TNS1: variants seen among roughly 807,000 people sequenced by gnomAD.
TNS1 encodes the protein tensin 1, also known as tensin-1.
In TNS1, 62 loss-of-function variants were observed where a neutral mutation model predicts 168.6. The observed-to-expected ratio is 0.37, with a 90% confidence interval of 0.30 to 0.45. TNS1 has a LOEUF of 0.45. Ranked by LOEUF, TNS1 falls within the 20% of genes least tolerant of loss-of-function variation. The probability of loss-of-function intolerance (pLI) is 1.00; values close to 1 mark genes in which losing one functional copy is unlikely to be tolerated. For missense variants in TNS1, 2,240 were observed against 2,339.4 expected (o/e 0.96, Z 0.88); for synonymous variants, 934 against 933.2 (o/e 1.00, Z -0.02).
At position 218,002,868 on chromosome 2, in the gene TNS1, G is replaced by A. The variant is rs556762596; in HGVS notation, c.5C>T (p.Thr2Met). The A allele has an allele frequency of 1.5e-4, 70 of 456,868 alleles. No homozygotes were observed. The highest frequency in any genetic ancestry group is 5.1e-4 in the South Asian group (33 of 64,570). 28.3% of individuals were successfully genotyped at this position (456,868 alleles called of 1,614,324 possible). A position where few individuals can be genotyped will look rare whatever the true frequency, so the allele number is the denominator to read the frequency against. The stretch of plus-strand genomic sequence containing the variant: ...GAGCATGCAGGACAGACAGATCCAC[G>A]TCATCTTTGCTGGGTCCCGTCACTG... M[T>M]WICLSCMLWP... The change falls in exon 1 of 33, where the codon ACG becomes ATG. Residue 2 changes from threonine to methionine, a missense_variant. By Grantham distance (81) the Thr-to-Met change is moderately conservative (BLOSUM62 -1). Transcript: ENST00000682258.
chr2:217,847,972 C>G lies in TNS1; in HGVS notation c.2545G>C (p.Ala849Pro), dbSNP rs765735014. 2 of 1,508,802 alleles carry G rather than the reference C, an allele frequency of 1.3e-6. No individual in the cohort carries two copies. Among genetic ancestry groups the G allele is most frequent in the Non-Finnish European group, 1.8e-6 (2 of 1,126,024 alleles). The allele number at this position is 1,508,802 out of a possible 1,614,324, so 93.5% of individuals were successfully genotyped here. A position where few individuals can be genotyped will look rare whatever the true frequency, so the allele number is the denominator to read the frequency against. The stretch of plus-strand genomic sequence containing the variant: ...TGGGACTTGTGTAGTGGGGCAGCAG[C>G]GGAGGCTGGCTCCAGGTCCAGCATC... ...MLMLDLEPAS[A>P]AAPLHKSQSV... The change falls in exon 19 of 33, where the codon GCT (alanine) becomes CCT (proline). Residue 849 changes from alanine to proline, a missense_variant. Transcript: ENST00000682258.
intron 32 of TNS1, 85 bp downstream of exon 32, chr2:217,807,990 C>A (rs1163370638): frequency 1.7e-5 from 26 of 1,521,762 alleles, no homozygotes; most frequent in Non-Finnish European, 2.3e-5. Context: ...TACCCCCAGC[C>A]CTGGTTTCTA....
chr2:218,028,842 C>G (rs1468786629), intron 1 of TNS1, among the ~76,000 whole-genome samples: 1 of 152,182 alleles, frequency 6.6e-6, no homozygotes, highest in Non-Finnish European at 1.5e-5. Context: ...TAAGCATAGC[C>G]TGGGTCCCCT....
Position 217,965,774 on chromosome 2 carries a change from C to T in TNS1, c.186+12991G>A, listed in dbSNP as rs367856067. On this transcript the variant is annotated intron_variant, in intron 3 of 32. Coordinates refer to ENST00000682258, the MANE Select transcript of TNS1 (RefSeq NM_001387777.1). ...TAGCCAGCTCAACGGGCACCACAGACCCCCCGAGCTAGAAGCCAGAAGCAG... is the reference window on the plus strand; with the variant it reads ...TAGCCAGCTCAACGGGCACCACAGATCCCCCGAGCTAGAAGCCAGAAGCAG... Among the ~76,000 whole-genome samples the T allele has an allele frequency of 1.2e-4, 19 of 152,136 alleles. 1 individual carries two copies. Among genetic ancestry groups the T allele is most frequent in the Admixed American group, 1.0e-3 (16 of 15,280 alleles).
chr2:217,837,297 A>T (rs1215445262), intron 19 of TNS1, among the ~76,000 whole-genome samples: 1 of 152,148 alleles, frequency 6.6e-6, no homozygotes, highest in South Asian at 2.1e-4. Context: ...AGACAGAAAC[A>T]TCTTCTGCCA....
At chr2:217,998,895 C>T (rs1207733227) in intron 1 of TNS1, among the ~76,000 whole-genome samples, 1 of 152,192 alleles carries the variant, frequency 6.6e-6, no homozygotes, top group African/African-American at 2.4e-5. Flanking sequence ...TTACATCCCC[C>T]AGAGGTTCCC....
rs1465566240 is a variant in TNS1, at chr2:217,859,451, T to C, written c.1430-10364A>G. 9 of 579,468 alleles carry C rather than the reference T, an allele frequency of 1.6e-5. No individual in the cohort carries two copies. In the South Asian group the frequency reaches 1.6e-4, roughly 10 times the overall value. 35.9% of individuals were successfully genotyped at this position (579,468 alleles called of 1,614,324 possible). ...AAAAAGAAAAAACCCCACAGGGTCCTGCACTTCCCAGAGGTGAACACAGGA... is the reference window on the plus strand; with the variant it reads ...AAAAAGAAAAAACCCCACAGGGTCCCGCACTTCCCAGAGGTGAACACAGGA... On this transcript the variant is annotated intron_variant, in intron 18 of 32. Coordinates refer to ENST00000682258, the MANE Select transcript of TNS1 (RefSeq NM_001387777.1).
intron 19 of TNS1, among the ~76,000 whole-genome samples, chr2:217,845,485 T>A (rs1946518236): frequency 6.6e-6 from 1 of 152,214 alleles, no homozygotes; most frequent in African/African-American, 2.4e-5. Flanking sequence ...AATTCTGTCA[T>A]AATGACAGGG....
Position 217,895,001 on chromosome 2 carries a change from C to G in TNS1, c.594+5G>C. 6.2e-7 allele frequency: 1 copy of G among 1,612,870 alleles called. No homozygotes were observed. The highest frequency in any genetic ancestry group is 8.5e-7 in the Non-Finnish European group (1 of 1,179,620). On this transcript the variant is annotated splice_donor_5th_base_variant and intron_variant, in intron 9 of 32. Transcript: ENST00000682258. ...TCCCCTACCCCAAAACAGCCCCTGG[C>G]TCACCTTGGCATGGAGCTTCGTGAT... is the stretch of plus-strand genomic sequence containing the variant.
chr2:217,813,680 G>C lies in TNS1; in HGVS notation c.4861+5C>G. ...CCTGAGCCCCATTCTGGGAGATGAG[G>C]TTACCTTTTTTATTCTGCTGCATGA... On this transcript the variant is annotated splice_donor_5th_base_variant and intron_variant, in intron 26 of 32. Coordinates refer to ENST00000682258, the MANE Select transcript of TNS1 (RefSeq NM_001387777.1). This position sits in a 1 kb window ranked among gnomAD's most constrained non-coding sequence, Gnocchi z 4.0. 6.2e-7 allele frequency: 1 copy of C among 1,606,316 alleles called. No homozygotes were observed. The highest frequency in any genetic ancestry group is 8.5e-7 in the Non-Finnish European group (1 of 1,176,122).
rs886698191 is a variant in TNS1, at chr2:217,959,545, T to G, written c.186+19220A>C. Among the ~76,000 whole-genome samples, 3 of 152,064 alleles carry G rather than the reference T, an allele frequency of 2.0e-5. No individual in the cohort carries two copies. In the South Asian group the frequency reaches 6.3e-4, roughly 32 times the overall value. On this transcript the variant is annotated intron_variant, in intron 3 of 32. Coordinates refer to ENST00000682258, the MANE Select transcript of TNS1 (RefSeq NM_001387777.1). ...CATGGAATCTTATCATGGAACCTGG[T>G]GCCTTAGCATGGAACCTTAGCATGG... is the stretch of plus-strand genomic sequence containing the variant.
chr2:217,806,482 AG>A (rs1180576642), intron 32 of TNS1, among the ~76,000 whole-genome samples: 1 of 152,136 alleles, frequency 6.6e-6, no homozygotes, highest in African/African-American at 2.4e-5. Flanking sequence ...CTCCTGAAGG[AG>A]GAAAAGAGGG....
chr2:217,860,979 C>T (rs542969653), intron 18 of TNS1, among the ~76,000 whole-genome samples: 110 of 152,218 alleles, frequency 7.2e-4, no homozygotes, highest in Middle Eastern at 3.4e-3. Context: ...GATCCCCTGG[C>T]TCCACACAGA....
chr2:217,812,502 C>T, intron 27 of TNS1, 57 bp from the exon 28 acceptor site: 1 of 1,428,260 alleles, frequency 7.0e-7, no homozygotes, highest in East Asian at 2.3e-5. Context: ...AGAAGGGAAA[C>T]CTCCACCTCT....
intron 25 of TNS1, among the ~76,000 whole-genome samples, chr2:217,814,485 G>A (rs925321579): frequency 8.5e-5 from 13 of 152,284 alleles, no homozygotes; most frequent in South Asian, 2.1e-4. Context: ...ACAAAAGCAG[G>A]CAGCATCCAG....
At position 217,813,856 on chromosome 2, in the gene TNS1, C is replaced by A. The variant is rs1463499272; in HGVS notation, c.4730-40G>T. ...GACAAGGAGAGAGGAGGAAGCAAGA[C>A]CTCGGTGGCGCTAGTTTTACTTAAG... On this transcript the variant is annotated intron_variant, in intron 25 of 32. Coordinates refer to ENST00000682258, the MANE Select transcript of TNS1 (RefSeq NM_001387777.1). The surrounding 1 kb of genome is among the most constrained non-coding windows in gnomAD (Gnocchi z 4.0). The A allele has an allele frequency of 5.8e-6, 9 of 1,543,548 alleles. No individual in the cohort carries two copies. The East Asian group carries it at 9.3e-5, about 16-fold the overall frequency.
chr2:217,947,346 G>C (rs1307742563), intron 3 of TNS1, among the ~76,000 whole-genome samples: 1 of 152,186 alleles, frequency 6.6e-6, no homozygotes, highest in Non-Finnish European at 1.5e-5. Context: ...AGGGAGAAAA[G>C]AGGTGAGGAG....
intron 18 of TNS1, among the ~76,000 whole-genome samples, chr2:217,868,312 C>T (rs1006080417): frequency 1.1e-4 from 17 of 152,186 alleles, no homozygotes; most frequent in Non-Finnish European, 1.9e-4. Flanking sequence ...TGGTTACTGA[C>T]GACCAGTGCC....
chr2:217,903,524 C>G, intron 6 of TNS1: 1 of 1,490,130 alleles, frequency 6.7e-7, no homozygotes, highest in Non-Finnish European at 8.9e-7. Flanking sequence ...TTCTTCCTGG[C>G]TCCTCTCAAG....
Sources: allele counts gnomAD v4.1 joint callset (sites outside exome capture counted in the v4.1 genomes callset), GRCh38; gene constraint gnomAD v4.1.1; non-coding constraint Gnocchi (gnomAD v3.1); transcripts MANE v1.5; gene names NCBI Gene and HGNC (gene_info 2026-07-23, HGNC 2026-07-21).